The following TEF variants were observed in gnomAD, a reference collection of about 807,000 sequenced individuals.
The protein encoded by TEF is thyrotroph embryonic factor.
Under a neutral mutation model 20.8 loss-of-function variants are expected in TEF, and 3 were observed. The ratio of observed to expected loss-of-function variants is 0.14; its 90% CI spans 0.07 to 0.37. The LOEUF (loss-of-function observed/expected upper bound fraction) is 0.37. Ranked by LOEUF, TEF falls within the 10% of genes least tolerant of loss-of-function variation. The pLI, the probability that TEF is intolerant of heterozygous loss-of-function variation, is 1.00. For missense variants in TEF, 296 were observed against 397.9 expected, an observed-to-expected ratio of 0.74 and a Z score of 2.18; for synonymous variants, 180 against 171.1, an observed-to-expected ratio of 1.05 and a Z score of -0.41.
chr22:41,392,615 A>G (rs12170460), intron 2 of TEF, among the ~76,000 whole-genome samples: 5,167 of 142,582 alleles, frequency 0.036, 292 homozygotes, highest in African/African-American at 0.13. Context: ...TCAAGGTTGC[A>G]GTGAGCTGAG....
rs1220982097 is a variant in TEF at position 41,399,097 on chromosome 22, C to T, written c.*3137C>T. On this transcript the variant is annotated 3_prime_UTR_variant, in exon 4 of 4. Transcript: ENST00000266304. The stretch of plus-strand genomic sequence containing the variant: ...AGTGTGTGGGGCTCTGTGTCCTTCC[C>T]TGGGAGCTGGCATTCCAGCGGGCCC... 1 of 152,574 alleles carries T rather than the reference C, an allele frequency of 6.6e-6. No homozygotes were observed. The highest frequency in any genetic ancestry group is 1.5e-5 in the Non-Finnish European group (1 of 68,032). The allele number at this position is 152,574 out of a possible 1,614,324, so 9.5% of individuals were successfully genotyped here.
At chr22:41,382,487 CCGGGGCCACCTGCAT>C (rs2037046156) in intron 1 of TEF, among the ~76,000 whole-genome samples, 1 of 152,078 alleles carries the variant, frequency 6.6e-6, no homozygotes, top group Non-Finnish European at 1.5e-5. Flanking sequence ...GGCCCCTCCC[CCGGGGCCACCTGCAT>C]CGGAGTCACT....
In TEF at chr22:41,396,412, C is replaced by T. The variant is rs1348318635; in HGVS notation, c.*452C>T. The T allele has an allele frequency of 1.2e-5, 2 of 171,058 alleles. No individual in the cohort carries two copies. The highest frequency in any genetic ancestry group is 1.1e-4 in the Admixed American group (2 of 17,626). 10.6% of individuals were successfully genotyped at this position (171,058 alleles called of 1,614,324 possible). A position where few individuals can be genotyped will look rare whatever the true frequency, so the allele number is the denominator to read the frequency against. On this transcript the variant is annotated 3_prime_UTR_variant, in exon 4 of 4. Coordinates refer to ENST00000266304, the MANE Select transcript of TEF (RefSeq NM_003216.4). ...GCGTTTCCACTTAAGGTGTGTCTGTCACGCACCTCATTCTCCCCAGACAGT... is the reference window on the plus strand; with the variant it reads ...GCGTTTCCACTTAAGGTGTGTCTGTTACGCACCTCATTCTCCCCAGACAGT...
Position 41,396,084 on chromosome 22 carries a change from G to A in TEF, c.*124G>A, listed in dbSNP as rs535899304. 225 of 1,074,218 alleles carry A rather than the reference G, an allele frequency of 2.1e-4. 1 individual carries two copies. The highest frequency in any genetic ancestry group is 2.7e-4 in the Non-Finnish European group (206 of 753,528). The allele number at this position is 1,074,218 out of a possible 1,614,324, so 66.5% of individuals were successfully genotyped here. On this transcript the variant is annotated 3_prime_UTR_variant, in exon 4 of 4. Coordinates refer to ENST00000266304, the MANE Select transcript of TEF (RefSeq NM_003216.4). ...GTGGGCGCATGGCGGCGCACCTGCT[G>A]CAGGAGCGGCCACGTCTCAGCTTCA...
intron 2 of TEF, among the ~76,000 whole-genome samples, chr22:41,393,569 A>C (rs555996104): frequency 6.6e-6 from 1 of 152,236 alleles, no homozygotes; most frequent in South Asian, 2.1e-4. Flanking sequence ...ATCCTGGCTA[A>C]CACAGTAAAA....
Position 41,396,042 on chromosome 22 carries a change from G to A in TEF, c.*82G>A. On this transcript the variant is annotated 3_prime_UTR_variant, in exon 4 of 4. Transcript: ENST00000266304. ...CTCCCTGTAACCCCTCACACGCGTG[G>A]AGACTTATGACTCGTCGTGGGCGCA... The A allele has an allele frequency of 1.4e-6, 2 of 1,459,872 alleles. No homozygotes were observed. Among genetic ancestry groups the A allele is most frequent in the Non-Finnish European group, 9.3e-7 (1 of 1,070,240 alleles). The allele number at this position is 1,459,872 out of a possible 1,614,324, so 90.4% of individuals were successfully genotyped here.
intron 2 of TEF, among the ~76,000 whole-genome samples, chr22:41,387,983 CTTTTTTTTTTTTTTT>C (rs530707936): frequency 4.0e-4 from 20 of 50,116 alleles, no homozygotes; most frequent in East Asian, 1.7e-3. Context: ...CAATGCTGCT[CTTTTTTTTTTTTTTT>C]TTTTTTTTTT....
At chr22:41,377,977 A>G (rs867278098), upstream of TEF, among the ~76,000 whole-genome samples, 3 of 152,270 alleles carry the variant, frequency 2.0e-5, no homozygotes, top group South Asian at 6.2e-4. Flanking sequence ...ACTACATCCC[A>G]TCTTTCTCAT....
rs2037204249 is a variant in TEF at position 41,394,465 on chromosome 22, T to G, written c.696+149T>G. On this transcript the variant is annotated intron_variant, in intron 3 of 3. Transcript: ENST00000266304. ...GAGTTTAGTGCTTAAAGCCATATCCTTCAGCAGTTTGGTAGAAAGAAAGGG... is the reference window on the plus strand; with the variant it reads ...GAGTTTAGTGCTTAAAGCCATATCCGTCAGCAGTTTGGTAGAAAGAAAGGG... The G allele has an allele frequency of 5.1e-6, 4 of 786,958 alleles. No individual in the cohort carries two copies. In the Admixed American group the frequency reaches 8.8e-5, roughly 17 times the overall value. The allele number at this position is 786,958 out of a possible 1,614,324, so 48.7% of individuals were successfully genotyped here.
At position 41,387,263 on chromosome 22, in the gene TEF, T is replaced by C. The variant is rs530824492; in HGVS notation, c.158-88T>C. ...GTTGGAATCGGGGCTCTGAGAAAGA[T>C]GGGCCAGGCCTGTGAGGCTCACTGC... On this transcript the variant is annotated intron_variant, in intron 1 of 3. Coordinates refer to ENST00000266304, the MANE Select transcript of TEF (RefSeq NM_003216.4). 2.0e-5 allele frequency: 29 copies of C among 1,418,980 alleles called. No individual in the cohort carries two copies. The African/African-American group carries it at 3.5e-4, about 17-fold the overall frequency. The allele number at this position is 1,418,980 out of a possible 1,614,324, so 87.9% of individuals were successfully genotyped here. A position where few individuals can be genotyped will look rare whatever the true frequency, so the allele number is the denominator to read the frequency against.
At chr22:41,388,881 A>C (rs1418054959) in intron 2 of TEF, among the ~76,000 whole-genome samples, 1 of 152,156 alleles carries the variant, frequency 6.6e-6, no homozygotes, top group Non-Finnish European at 1.5e-5. Flanking sequence ...TTTTTCAAAC[A>C]AAATACAAAA....
chr22:41,373,818 C>CAATGG (rs2036910171), intron 1 of TEF, among the ~76,000 whole-genome samples: 1 of 145,546 alleles, frequency 6.9e-6, no homozygotes, highest in Non-Finnish European at 1.5e-5. Flanking sequence ...GGCTGGAGTG[C>CAATGG]AATGGTGTGG....
upstream of TEF, among the ~76,000 whole-genome samples, chr22:41,378,046 G>C (rs1435894648): frequency 2.0e-5 from 3 of 152,104 alleles, no homozygotes; most frequent in Non-Finnish European, 4.4e-5. Context: ...CTTTGAGAAT[G>C]GGTTTTTCTT....
At chr22:41,387,991 T>TG (rs1239099801) in intron 2 of TEF, among the ~76,000 whole-genome samples, 4 of 111,124 alleles carry the variant, frequency 3.6e-5, no homozygotes, top group African/African-American at 1.5e-4. Flanking sequence ...CTCTTTTTTT[T>TG]TTTTTTTTTT....
At chr22:41,367,492 T>G in exon 1 of TEF, 1 of 1,543,990 alleles carries the variant, frequency 6.5e-7, no homozygotes, top group Non-Finnish European at 8.8e-7. Context: ...CACCTCCTGC[T>G]GGGCTGTGTG....
rs11090047 is a variant in TEF at position 41,394,304 on chromosome 22, C to T, written c.684C>T (p.Pro228=). The change falls in exon 3 of 4, where the codon CCC becomes CCT. Residue 228 remains proline (P), a synonymous_variant. Transcript: ENST00000266304. ...MIKKAKKVFV[P]DEQKDEKYWT... ...AAAAGGCCAAGAAGGTCTTTGTCCC[C>T]GACGAGCAGAAGGTAACCTGGTATT... 1.2e-4 allele frequency: 191 copies of T among 1,613,784 alleles called. No homozygotes were observed. In the East Asian group the frequency reaches 3.7e-3, roughly 31 times the overall value.
chr22:41,389,375 T>C (rs567618736), intron 2 of TEF, among the ~76,000 whole-genome samples: 2 of 150,942 alleles, frequency 1.3e-5, no homozygotes, highest in African/African-American at 4.9e-5. Context: ...CACTCCAGCC[T>C]GGGCGACAGA....
rs747580416 is a variant in TEF at position 41,394,050 on chromosome 22, C to G, written c.476-46C>G. 5.1e-6 allele frequency: 8 copies of G among 1,579,176 alleles called. No homozygotes were observed. In the South Asian group the frequency reaches 9.1e-5, roughly 18 times the overall value. ...TCTGGGTGTGTGGCGTGGGTCTTCT[C>G]TGTCCAGTGGGCTGCTTCGGGACCA... On this transcript the variant is annotated intron_variant, in intron 2 of 3. Transcript: ENST00000266304.
intron 1 of TEF, among the ~76,000 whole-genome samples, chr22:41,373,767 CTTT>C (rs34394084): frequency 8.0e-6 from 1 of 125,586 alleles, no homozygotes; most frequent in Non-Finnish European, 1.7e-5. Flanking sequence ...CACGCCCGGA[CTTT>C]TTTTTTTTTT....
Sources: gnomAD v4.1 joint callset for allele counts (sites outside exome capture counted in the v4.1 genomes callset) on GRCh38, gnomAD v4.1.1 for gene constraint, MANE v1.5 for transcripts, NCBI Gene and HGNC (gene_info 2026-07-23, HGNC 2026-07-21) for gene names.